WWOX: variants seen among roughly 807,000 people sequenced by gnomAD.
WWOX encodes the protein WW domain containing oxidoreductase, also known as WW domain-containing oxidoreductase.
WWOX carries 69 observed loss-of-function variants against 46.2 expected under a neutral mutation model. The ratio of observed to expected loss-of-function variants is 1.49; its 90% CI spans 1.23 to 1.82. The LOEUF is 1.82. Ranked by LOEUF, WWOX falls within the 40% of genes most tolerant of loss-of-function variation. The probability of loss-of-function intolerance (pLI) is 0.00; values close to 1 mark genes in which losing one functional copy is unlikely to be tolerated. For synonymous variants in WWOX, 359 were observed against 202.6 expected (o/e 1.77, Z -6.56); for missense variants, 919 against 542.6 (o/e 1.69, Z -6.89).
chr16:78,756,939 G>A (rs1407067505), intron 8 of WWOX: 1 of 702,946 alleles, frequency 1.4e-6, no homozygotes, highest in South Asian at 1.5e-5. Flanking sequence ...ATTCACTCTA[G>A]GAAAAGCCAG....
chr16:78,505,126 C>T (rs1009765963), intron 8 of WWOX, among the ~76,000 whole-genome samples: 5 of 152,162 alleles, frequency 3.3e-5, no homozygotes, highest in African/African-American at 9.7e-5. Context: ...CACCAGGCAG[C>T]CCCCACTCTT....
At chr16:78,556,128 C>G (rs1408036403) in intron 8 of WWOX, among the ~76,000 whole-genome samples, 2 of 152,004 alleles carry the variant, frequency 1.3e-5, no homozygotes, top group African/African-American at 2.4e-5. Context: ...AGACCACAGA[C>G]AGGCTTTTTC....
intron 5 of WWOX, among the ~76,000 whole-genome samples, chr16:78,353,920 C>G (rs916757360): frequency 2.6e-5 from 4 of 152,326 alleles, no homozygotes; most frequent in Non-Finnish European, 5.9e-5. Flanking sequence ...CTTCTGTTCT[C>G]TTTATTTCCT....
At chr16:78,650,660 A>G (rs1004057205) in intron 8 of WWOX, among the ~76,000 whole-genome samples, 2 of 152,238 alleles carry the variant, frequency 1.3e-5, no homozygotes, top group Non-Finnish European at 2.9e-5. Context: ...GTTCTCAGGA[A>G]ACCAGATTTA....
intron 8 of WWOX, among the ~76,000 whole-genome samples, chr16:78,831,019 T>C (rs1419747546): frequency 2.6e-5 from 4 of 152,168 alleles, no homozygotes; most frequent in Non-Finnish European, 5.9e-5. Flanking sequence ...ATCACAGTGC[T>C]AGTGGAAGGG....
At chr16:78,873,227 T>C (rs945619234) in intron 8 of WWOX, 1 of 152,220 alleles carries the variant, frequency 6.6e-6, no homozygotes, top group African/African-American at 2.4e-5. Context: ...GTAATTATGC[T>C]TGATAAAAAA....
intron 5 of WWOX, among the ~76,000 whole-genome samples, chr16:78,178,275 CA>C (rs2035413689): frequency 1.3e-5 from 2 of 152,176 alleles, no homozygotes; most frequent in African/African-American, 2.4e-5. Context: ...AGTTACTAAG[CA>C]CTTTTCCTGT....
At chr16:79,204,898 T>G (rs62040701) in intron 8 of WWOX, 29,438 of 152,260 alleles carry the variant, frequency 0.19, 4,073 homozygotes, top group East Asian at 0.54. Flanking sequence ...AGCCACATTC[T>G]TGCTGGCTTT....
At chr16:78,429,155 C>A (rs2083157569) in intron 7 of WWOX, among the ~76,000 whole-genome samples, 1 of 152,186 alleles carries the variant, frequency 6.6e-6, no homozygotes, top group African/African-American at 2.4e-5. Context: ...TCCAAGAATT[C>A]ACAGTCTAGT....
chr16:78,361,626 G>C (rs941725838), intron 5 of WWOX, among the ~76,000 whole-genome samples: 2 of 151,858 alleles, frequency 1.3e-5, no homozygotes, highest in South Asian at 4.2e-4. Context: ...TTTTCTTTTT[G>C]TTGAGACAAA....
At chr16:78,287,712 G>A (rs1409320066) in intron 5 of WWOX, among the ~76,000 whole-genome samples, 2 of 152,062 alleles carry the variant, frequency 1.3e-5, no homozygotes, top group African/African-American at 2.4e-5. Context: ...TCTGATTTTC[G>A]ATTCATGATA....
chr16:79,112,454 G>C (rs973269684), intron 8 of WWOX, among the ~76,000 whole-genome samples: 1 of 152,150 alleles, frequency 6.6e-6, no homozygotes, highest in African/African-American at 2.4e-5. Flanking sequence ...GGGGCTTCCA[G>C]CTTCCCCAGA....
At chr16:78,837,662 C>G (rs1232562683) in intron 8 of WWOX, among the ~76,000 whole-genome samples, 1 of 152,072 alleles carries the variant, frequency 6.6e-6, no homozygotes. Flanking sequence ...TATTTTGTAT[C>G]TTATACCAAG....
chr16:79,015,321 C>T (rs1445425757), intron 8 of WWOX, among the ~76,000 whole-genome samples: 2 of 152,158 alleles, frequency 1.3e-5, no homozygotes, highest in African/African-American at 2.4e-5. Context: ...GAACAGAATT[C>T]CAGTGCCACC....
chr16:78,367,338 A>C (rs1046460731), intron 5 of WWOX, among the ~76,000 whole-genome samples: 2 of 152,182 alleles, frequency 1.3e-5, no homozygotes, highest in African/African-American at 4.8e-5. Context: ...CTGTGGGCAC[A>C]TGTGGCCCAG....
At position 78,646,924 on chromosome 16, in the gene WWOX, G is replaced by C. The variant is rs766515385; in HGVS notation, c.1056+214172G>C. Reference sequence around the variant, plus strand: ...AGTCTCACCCAACTAGCTGAAGCGAGGTGGGTTGGAGGGGGGATGCCTTGT... The same window carrying C: ...AGTCTCACCCAACTAGCTGAAGCGACGTGGGTTGGAGGGGGGATGCCTTGT... On this transcript the variant is annotated intron_variant, in intron 8 of 8. Transcript: ENST00000566780. 2.2e-4 allele frequency among the ~76,000 whole-genome samples: 34 copies of C among 152,144 alleles called. 1 individual carries two copies. The highest frequency in any genetic ancestry group is 1.0e-4 in the Non-Finnish European group (7 of 68,034).
chr16:78,366,087 A>G (rs754600657), intron 5 of WWOX, among the ~76,000 whole-genome samples: 2 of 152,154 alleles, frequency 1.3e-5, no homozygotes, highest in Non-Finnish European at 1.5e-5. Flanking sequence ...AGCACCCTAA[A>G]TGCCCAGGTA....
At chr16:78,743,664 G>C (rs1468495418) in intron 8 of WWOX, among the ~76,000 whole-genome samples, 8 of 152,134 alleles carry the variant, frequency 5.3e-5, no homozygotes, top group Admixed American at 5.2e-4. Flanking sequence ...AAGTACCCCT[G>C]ATTGGTTGCT....
chr16:78,825,366 T>C, intron 8 of WWOX: 2 of 273,694 alleles, frequency 7.3e-6, no homozygotes, highest in South Asian at 9.3e-5. Context: ...ACTCCGGAGC[T>C]GGCTAAAGAC....
Sources: allele counts gnomAD v4.1 joint callset (sites outside exome capture counted in the v4.1 genomes callset), GRCh38; gene constraint gnomAD v4.1.1; transcripts MANE v1.5; gene names NCBI Gene and HGNC (gene_info 2026-07-23, HGNC 2026-07-21).